The following CADPS2 variants were observed in gnomAD, a reference collection of about 807,000 sequenced individuals.
The protein encoded by CADPS2 is calcium-dependent secretion activator 2.
A neutral mutation model predicts 172.5 loss-of-function variants in CADPS2; 93 were observed. The observed-to-expected ratio is 0.54, with a 90% CI of 0.46 to 0.64. The LOEUF is 0.64. Among genes scored for constraint, CADPS2 ranks in the 30% least tolerant of loss-of-function variants. The pLI, the probability that CADPS2 is intolerant of heterozygous loss-of-function variation, is 0.00. For synonymous variants in CADPS2, 546 were observed against 555.2 expected (o/e 0.98, Z 0.23); for missense variants, 1,420 against 1,565.9 (o/e 0.91, Z 1.57).
chr7:122,596,405 C>T (rs1034176200), intron 6 of CADPS2, among the ~76,000 whole-genome samples: 1 of 151,988 alleles, frequency 6.6e-6, no homozygotes, highest in Admixed American at 6.6e-5. Context: ...CCTCATTTGT[C>T]CAGAATCTGA....
intron 1 of CADPS2, among the ~76,000 whole-genome samples, chr7:122,793,108 T>A (rs1795635342): frequency 6.6e-6 from 1 of 152,212 alleles, no homozygotes; most frequent in African/African-American, 2.4e-5. Flanking sequence ...GGTCCTCCTT[T>A]ACTGTTGTTT....
At chr7:122,575,769 A>C (rs2132669157) in intron 7 of CADPS2, among the ~76,000 whole-genome samples, 1 of 152,300 alleles carries the variant, frequency 6.6e-6, no homozygotes, top group East Asian at 1.9e-4. Context: ...GTATATGCTG[A>C]GGCATTTCAT....
intron 2 of CADPS2, among the ~76,000 whole-genome samples, chr7:122,714,611 A>G (rs2089311906): frequency 6.6e-6 from 1 of 152,170 alleles, no homozygotes; most frequent in African/African-American, 2.4e-5. Flanking sequence ...ACAAATACAT[A>G]CAAGATGGGC....
At chr7:122,422,265 G>C (rs888006045) in intron 17 of CADPS2, among the ~76,000 whole-genome samples, 1 of 152,134 alleles carries the variant, frequency 6.6e-6, no homozygotes, top group African/African-American at 2.4e-5. Context: ...CCCAAACAGC[G>C]AGGCTTTACC....
intron 14 of CADPS2, among the ~76,000 whole-genome samples, chr7:122,469,814 G>T (rs1428257586): frequency 6.6e-6 from 1 of 150,394 alleles, no homozygotes; most frequent in Non-Finnish European, 1.5e-5. Flanking sequence ...AACAGAAGCA[G>T]GTGTGTGTCT....
At chr7:122,694,322 G>A (rs1054985353) in intron 2 of CADPS2, among the ~76,000 whole-genome samples, 4 of 152,196 alleles carry the variant, frequency 2.6e-5, no homozygotes, top group African/African-American at 9.7e-5. Context: ...CAAATGCAGA[G>A]GGAATTCTGA....
intron 8 of CADPS2, among the ~76,000 whole-genome samples, chr7:122,518,271 A>T (rs974926650): frequency 6.6e-5 from 10 of 152,102 alleles, no homozygotes; most frequent in African/African-American, 2.2e-4. Flanking sequence ...ATTAGGAAGG[A>T]TCCCATAGCA....
chr7:122,870,103 T>C (rs904813081), intron 1 of CADPS2, among the ~76,000 whole-genome samples: 2 of 151,960 alleles, frequency 1.3e-5, no homozygotes, highest in Non-Finnish European at 2.9e-5. Context: ...TACCTATCAA[T>C]AATGACTTTG....
intron 29 of CADPS2, among the ~76,000 whole-genome samples, chr7:122,322,133 T>C (rs2032689813): frequency 6.6e-6 from 1 of 152,252 alleles, no homozygotes; most frequent in Non-Finnish European, 1.5e-5. Context: ...AACTCTCTTG[T>C]AATTAAACAT....
At chr7:122,875,267 G>T (rs902914079) in intron 1 of CADPS2, among the ~76,000 whole-genome samples, 11 of 152,194 alleles carry the variant, frequency 7.2e-5, no homozygotes, top group Non-Finnish European at 1.5e-5. Flanking sequence ...AGTAAAATCA[G>T]TGTTAAATCT....
intron 7 of CADPS2, among the ~76,000 whole-genome samples, chr7:122,574,529 C>T (rs1224252540): frequency 2.8e-5 from 4 of 141,542 alleles, no homozygotes; most frequent in African/African-American, 1.1e-4. Flanking sequence ...TAAATTCCAT[C>T]ATCACTAAAA....
chr7:122,879,889 A>G (rs1822403028), intron 1 of CADPS2, among the ~76,000 whole-genome samples: 1 of 152,270 alleles, frequency 6.6e-6, no homozygotes, highest in African/African-American at 2.4e-5. Context: ...TGAGGAAAAT[A>G]GAAGCTTTTC....
chr7:122,750,179 T>C (rs1429960534), intron 1 of CADPS2, among the ~76,000 whole-genome samples: 4 of 152,128 alleles, frequency 2.6e-5, no homozygotes, highest in African/African-American at 7.2e-5. Flanking sequence ...GTCTCAACAG[T>C]ATGCCATGGC....
At chr7:122,660,004 A>T (rs2109968) in intron 3 of CADPS2, among the ~76,000 whole-genome samples, 74,911 of 151,952 alleles carry the variant, frequency 0.49, 18,818 homozygotes, top group East Asian at 0.74. Context: ...ACATGATAAA[A>T]GTTCTTCAGA....
chr7:122,491,275 C>T (rs377148931), intron 10 of CADPS2, 37 bp downstream of exon 10: 10 of 1,317,338 alleles, frequency 7.6e-6, no homozygotes, highest in Non-Finnish European at 1.1e-5. Context: ...TCCATGCATA[C>T]ATACATGGCA....
At chr7:122,446,162 A>T (rs1369287542) in intron 15 of CADPS2, among the ~76,000 whole-genome samples, 1 of 152,104 alleles carries the variant, frequency 6.6e-6, no homozygotes, top group Non-Finnish European at 1.5e-5. Flanking sequence ...AGTCCTTCTA[A>T]TACATTTGGT....
At chr7:122,372,229 T>G (rs910707591) in intron 25 of CADPS2, among the ~76,000 whole-genome samples, 1 of 152,212 alleles carries the variant, frequency 6.6e-6, no homozygotes, top group Non-Finnish European at 1.5e-5. Context: ...TTAATTGCTA[T>G]TCTGCACTGC....
chr7:122,633,000 A>AGTTGTAGGTGTGCAG (rs1319432149), intron 3 of CADPS2, among the ~76,000 whole-genome samples: 3 of 152,000 alleles, frequency 2.0e-5, no homozygotes, highest in African/African-American at 7.2e-5. Context: ...AAGATCAGAT[A>AGTTGTAGGTGTGCAG]GTTGTAGGTG....
At chr7:122,554,095 C>A (rs1375355532) in intron 8 of CADPS2, among the ~76,000 whole-genome samples, 4 of 152,108 alleles carry the variant, frequency 2.6e-5, no homozygotes, top group Non-Finnish European at 5.9e-5. Context: ...ATGTTTGGAT[C>A]AACACTCATA....
Sources: allele counts gnomAD v4.1 joint callset (sites outside exome capture counted in the v4.1 genomes callset), GRCh38; gene constraint gnomAD v4.1.1; transcripts MANE v1.5; gene names NCBI Gene and HGNC (gene_info 2026-07-23, HGNC 2026-07-21).